XKR9: variants seen among roughly 807,000 people sequenced by gnomAD.
The protein encoded by XKR9 is XK-related protein 9.
A neutral mutation model predicts 32.0 loss-of-function variants in XKR9; 32 were observed. The ratio of observed to expected loss-of-function variants is 1.00; its 90% confidence interval spans 0.76 to 1.34. The LOEUF (loss-of-function observed/expected upper bound fraction) is 1.34, where lower values mean the gene tolerates loss of function less well. Among genes scored for constraint, XKR9 ranks in the 40% most tolerant of loss-of-function variants. The pLI is 0.00. For missense variants in XKR9, 546 were observed against 429.7 expected, an observed-to-expected ratio of 1.27 and a Z score of -2.39; for synonymous variants, 168 against 143.4, an observed-to-expected ratio of 1.17 and a Z score of -1.22.
chr8:70,902,807 G>A, the XKR9 span, among the ~76,000 whole-genome samples: 1 of 152,250 alleles, frequency 6.6e-6, no homozygotes, highest in African/African-American at 2.4e-5. Context: ...CGTCTCATCA[G>A]TACCTTGTTT....
chr8:70,740,827 G>A (rs1013118625), downstream of XKR9, among the ~76,000 whole-genome samples: 1 of 152,222 alleles, frequency 6.6e-6, no homozygotes, highest in African/African-American at 2.4e-5. Flanking sequence ...TCCTCTGAAA[G>A]TTTTGTCTCA....
the XKR9 span, among the ~76,000 whole-genome samples, chr8:70,907,135 C>T: frequency 1.3e-5 from 2 of 152,074 alleles, no homozygotes; most frequent in African/African-American, 4.8e-5. Flanking sequence ...GTAAAATATG[C>T]TAATATATTT....
intron 4 of XKR9, among the ~76,000 whole-genome samples, chr8:70,715,488 G>A (rs565165867): frequency 7.2e-5 from 11 of 152,160 alleles, no homozygotes; most frequent in South Asian, 6.2e-4. Context: ...CTTCACTATC[G>A]TATTGATATA....
At chr8:70,824,910 A>G in the XKR9 span, among the ~76,000 whole-genome samples, 2 of 152,084 alleles carry the variant, frequency 1.3e-5, no homozygotes, top group East Asian at 3.8e-4. Context: ...AGTACTAAGT[A>G]GTAGTATTAA....
At chr8:71,060,153 T>C in the XKR9 span, among the ~76,000 whole-genome samples, 170 of 152,290 alleles carry the variant, frequency 1.1e-3, 1 homozygote, top group African/African-American at 3.9e-3. Flanking sequence ...CCTCAACATT[T>C]CTTCAGATAC....
the XKR9 span, among the ~76,000 whole-genome samples, chr8:71,037,272 T>C: frequency 2.0e-5 from 3 of 152,186 alleles, no homozygotes; most frequent in Admixed American, 2.0e-4. Flanking sequence ...CAATTGAAAA[T>C]ATAATTAAAA....
chr8:70,877,912 A>C, the XKR9 span, among the ~76,000 whole-genome samples: 1 of 152,202 alleles, frequency 6.6e-6, no homozygotes, highest in African/African-American at 2.4e-5. Context: ...GCCAGAGAGA[A>C]AGGTCGAGTT....
chr8:70,841,618 C>G, the XKR9 span, among the ~76,000 whole-genome samples: 1 of 152,194 alleles, frequency 6.6e-6, no homozygotes, highest in East Asian at 1.9e-4. Flanking sequence ...ATTCTCCAGT[C>G]TTCCCTCACA....
the XKR9 span, among the ~76,000 whole-genome samples, chr8:70,935,120 T>TATATAC: frequency 1.6e-4 from 20 of 128,242 alleles, no homozygotes; most frequent in African/African-American, 4.9e-4. Context: ...TATATATATA[T>TATATAC]ACACACACAC....
the XKR9 span, among the ~76,000 whole-genome samples, chr8:70,903,163 T>A: frequency 2.0e-5 from 3 of 152,108 alleles, no homozygotes; most frequent in African/African-American, 7.2e-5. Context: ...ATAAAATGAG[T>A]TAGGGAGCAT....
intron 3 of XKR9, among the ~76,000 whole-genome samples, chr8:70,695,380 A>T (rs1308728771): frequency 8.5e-6 from 1 of 117,326 alleles, no homozygotes; most frequent in East Asian, 2.4e-4. Context: ...TCCTGTGTCC[A>T]TGTGTTCTCA....
Position 70,769,221 on chromosome 8 carries a change from G to T in XKR9, n.353-20118G>T, listed in dbSNP as rs193077838. Among the ~76,000 whole-genome samples the T allele has an allele frequency of 1.5e-3, 219 of 150,396 alleles. 1 individual carries two copies. The highest frequency in any genetic ancestry group is 5.0e-3 in the African/African-American group (204 of 41,062). On this transcript the variant is annotated intron_variant and non_coding_transcript_variant, in intron 2 of 3. Coordinates refer to the XKR9 transcript ENST00000520273. ...TTGGCTGGAAATGAAATTCTGGGTT[G>T]AAAAATCTTTTTTTTTTTTTTTTAA...
the XKR9 span, among the ~76,000 whole-genome samples, chr8:71,040,995 A>G: frequency 6.6e-6 from 1 of 152,166 alleles, no homozygotes; most frequent in Non-Finnish European, 1.5e-5. Flanking sequence ...GGAAATAACT[A>G]TTTTTAATAC....
chr8:70,867,803 C>CA, the XKR9 span, among the ~76,000 whole-genome samples: 4 of 152,158 alleles, frequency 2.6e-5, no homozygotes, highest in Non-Finnish European at 5.9e-5. Context: ...GTCCACAGTC[C>CA]AAAGTCTCAT....
the XKR9 span, among the ~76,000 whole-genome samples, chr8:70,814,491 C>G: frequency 1.3e-5 from 2 of 149,760 alleles, no homozygotes; most frequent in African/African-American, 4.9e-5. Context: ...AGAAGCAGGA[C>G]AGAAAAAAAA....
the XKR9 span, among the ~76,000 whole-genome samples, chr8:70,852,618 A>C: frequency 1.3e-5 from 2 of 152,222 alleles, no homozygotes; most frequent in Admixed American, 1.3e-4. Flanking sequence ...TCAATGATAG[A>C]CTGGATAAAG....
chr8:70,983,563 C>A, the XKR9 span, among the ~76,000 whole-genome samples: 1 of 151,944 alleles, frequency 6.6e-6, no homozygotes, highest in Non-Finnish European at 1.5e-5. Flanking sequence ...GGTGGATCAT[C>A]TGAGGTCAGG....
chr8:71,023,777 C>T, the XKR9 span, among the ~76,000 whole-genome samples: 2 of 152,084 alleles, frequency 1.3e-5, no homozygotes, highest in East Asian at 3.9e-4. Flanking sequence ...CACTCCCAAG[C>T]CCCCATGTGA....
intron 1 of XKR9, 126 bp downstream of exon 1, chr8:70,669,664 ATTTT>A (rs11335556): frequency 1.4e-4 from 12 of 84,430 alleles, no homozygotes; most frequent in South Asian, 4.3e-4. Flanking sequence ...TAGCCTGTTC[ATTTT>A]TTTTTTTTTT....
Sources: gnomAD v4.1 joint callset for allele counts (sites outside exome capture counted in the v4.1 genomes callset) on GRCh38, gnomAD v4.1.1 for gene constraint, MANE v1.5 for transcripts, NCBI Gene and HGNC (gene_info 2026-07-23, HGNC 2026-07-21) for gene names.